The following KIF19 variants were observed in gnomAD, a reference collection of about 807,000 sequenced individuals.
KIF19 encodes kinesin family member 19.
Under a neutral mutation model 106.6 loss-of-function variants are expected in KIF19, and 98 were observed. The ratio of observed to expected loss-of-function variants is 0.92; its 90% CI spans 0.78 to 1.09. KIF19 has a LOEUF of 1.09. Ranked by LOEUF, KIF19 falls within the 50% of genes least tolerant of loss-of-function variation. KIF19 has a pLI of 0.00. For synonymous variants in KIF19, 516 were observed against 584.2 expected (o/e 0.88, Z 1.68); for missense variants, 1,373 against 1,414.3 (o/e 0.97, Z 0.47).
rs757436729 is a variant in KIF19 at position 74,355,229 on chromosome 17, G to A, written c.2914G>A (p.Gly972Ser). Residue 972 changes from glycine (G) to serine (S), a missense_variant, in exon 20 of 20, where the codon GGT becomes AGT. Around this residue, in one of 3 missense-constraint regions of KIF19, gnomAD observed 1,020 missense variants for 1,008.2 expected, o/e 1.01. Transcript: ENST00000389916. ...GGCTGTTCCCCCCAACCCAGGTGGT[G>A]GTTCTCGACGGGCTACCCGTGGGCC... is the stretch of plus-strand genomic sequence containing the variant. ...PLAVPPNPGG[G>S]SRRATRGPRL... The A allele has an allele frequency of 4.3e-6, 7 of 1,612,672 alleles. No homozygotes were observed. In the South Asian group the frequency reaches 6.6e-5, roughly 15 times the overall value.
intron 1 of KIF19, 133 bp downstream of exon 1, chr17:74,326,521 G>C: frequency 1.3e-6 from 1 of 746,336 alleles, no homozygotes; most frequent in Admixed American, 2.8e-5. Context: ...GGACTCTTCA[G>C]AGCAACTTTC....
chr17:74,332,210 T>TGTGTGTGTGTG (rs1567897631), intron 2 of KIF19, among the ~76,000 whole-genome samples: 17 of 108,766 alleles, frequency 1.6e-4, no homozygotes, highest in Non-Finnish European at 3.0e-4. Flanking sequence ...GTGTGTGTGT[T>TGTGTGTGTGTG]TGTGTGTGTG....
chr17:74,344,212 T>G lies in KIF19; in HGVS notation c.457-11T>G. On this transcript the variant is annotated splice_polypyrimidine_tract_variant and intron_variant, in intron 5 of 19. Transcript: ENST00000389916. Reference sequence around the variant, plus strand: ...TCCCTTCCCCCACCCCTCCCCCACCTGTCCCGTCAGATCTACAATGAGATG... The same window carrying G: ...TCCCTTCCCCCACCCCTCCCCCACCGGTCCCGTCAGATCTACAATGAGATG... 1 of 1,236,696 alleles carries G rather than the reference T, an allele frequency of 8.1e-7. No homozygotes were observed. Among genetic ancestry groups the G allele is most frequent in the Non-Finnish European group, 1.2e-6 (1 of 867,138 alleles). 76.6% of individuals were successfully genotyped at this position (1,236,696 alleles called of 1,614,324 possible).
At chr17:74,327,174 A>T (rs1296348598) in intron 1 of KIF19, among the ~76,000 whole-genome samples, 1 of 152,198 alleles carries the variant, frequency 6.6e-6, no homozygotes, top group African/African-American at 2.4e-5. Context: ...TCATCACCAG[A>T]AGGTGGGCAG....
At position 74,341,936 on chromosome 17, in the gene KIF19, C is replaced by A; in HGVS notation, c.181C>A (p.Arg61=). 6.2e-7 allele frequency: 1 copy of A among 1,613,598 alleles called. No individual in the cohort carries two copies. The highest frequency in any genetic ancestry group is 8.5e-7 in the Non-Finnish European group (1 of 1,179,804). Residue 61 remains arginine (R), a synonymous_variant, in exon 3 of 20, where the codon CGG becomes AGG. Coordinates refer to ENST00000389916, the MANE Select transcript of KIF19 (RefSeq NM_153209.4). ...PDDILRAHRS[R]EKSYLFDVAF... ...CGACATCCTGCGGGCGCATCGCTCC[C>A]GGGAGAAGTCCTACCTGTTCGACGT...
chr17:74,335,178 C>T (rs550269605), intron 2 of KIF19, among the ~76,000 whole-genome samples: 57 of 152,202 alleles, frequency 3.7e-4, no homozygotes, highest in South Asian at 1.0e-3. Context: ...GTGTCACAAC[C>T]GGGGGAAGGG....
At chr17:74,355,021 C>A (rs951996029) in intron 19 of KIF19, 80 bp downstream of exon 19, 1 of 1,546,520 alleles carries the variant, frequency 6.5e-7, no homozygotes, top group Non-Finnish European at 8.8e-7. Context: ...GCATTTCCTG[C>A]GCCTCTGGCT....
rs533621035 is a variant in KIF19 at position 74,326,355 on chromosome 17, G to A, written c.6G>A (p.Lys2=). The change falls in exon 1 of 20, where the codon AAG becomes AAA. Residue 2 remains lysine (K), a synonymous_variant. Coordinates refer to ENST00000389916, the MANE Select transcript of KIF19 (RefSeq NM_153209.4). ...CCCCTCCACCTGCTGCAATCATGAA[G>A]GACAGCGGGGACTCCAAGGACCAGC... is the stretch of plus-strand genomic sequence containing the variant. M[K]DSGDSKDQQL... is the part of the protein sequence containing the mutation. 7 of 1,612,436 alleles carry A rather than the reference G, an allele frequency of 4.3e-6. No homozygotes were observed. The African/African-American group carries it at 6.7e-5, about 15-fold the overall frequency.
intron 2 of KIF19, among the ~76,000 whole-genome samples, chr17:74,337,046 C>A (rs763904408): frequency 6.6e-6 from 1 of 152,090 alleles, no homozygotes; most frequent in African/African-American, 2.4e-5. Flanking sequence ...GTTGGCCAGG[C>A]TGGTCTCGAA....
chr17:74,346,058 C>T lies in KIF19; in HGVS notation c.778-320C>T, dbSNP rs2054522074. Among the ~76,000 whole-genome samples, 1 of 152,246 alleles carries T rather than the reference C, an allele frequency of 6.6e-6. No homozygotes were observed. Among genetic ancestry groups the T allele is most frequent in the African/African-American group, 2.4e-5 (1 of 41,456 alleles). The stretch of plus-strand genomic sequence containing the variant: ...GAGCACCAGTGGTCCTGCCGGCTCC[C>T]AGCTGAGCTGCCTGGAAAGCAACCT... On this transcript the variant is annotated intron_variant, in intron 7 of 19. Transcript: ENST00000389916. This position sits in a 1 kb window ranked among gnomAD's most constrained non-coding sequence, Gnocchi z 4.6.
In KIF19 at chr17:74,352,953, A is replaced by C; in HGVS notation, c.2113A>C (p.Ser705Arg). 6.2e-7 allele frequency: 1 copy of C among 1,613,546 alleles called. No homozygotes were observed. The highest frequency in any genetic ancestry group is 1.1e-5 in the South Asian group (1 of 91,066). ...NSALPPLSTE[S>R]EGHHVFKAGT... ...CGCCCTCCCTCCCCTCAGCACAGAG[A>C]GGTGAGATGGGGGCCACCTGCCCCA... The change falls in exon 15 of 20, where the codon AGT (serine) becomes CGT (arginine). Residue 705 changes from serine (S) to arginine (R), a missense_variant and splice_region_variant. Transcript: ENST00000389916.
In KIF19 at chr17:74,350,473, C is replaced by T. The variant is rs1337547450; in HGVS notation, c.1286C>T (p.Ala429Val). 6.2e-7 allele frequency: 1 copy of T among 1,611,458 alleles called. No individual in the cohort carries two copies. The highest frequency in any genetic ancestry group is 8.5e-7 in the Non-Finnish European group (1 of 1,179,476). Residue 429 changes from alanine to valine, a missense_variant, in exon 11 of 20, where the codon GCC becomes GTC. Ala to Val is a moderately conservative substitution (Grantham distance 64). Transcript: ENST00000389916. ...CAGCTTCGGGAGCAGCTCGCCAGCG[C>T]CTTCCAGGAGCAGATGGATGTGCGG... ...MGQLREQLAS[A>V]FQEQMDVRRR... is the part of the protein sequence containing the mutation.
rs752265857 is a variant in KIF19 at position 74,350,510 on chromosome 17, G to A, written c.1323G>A (p.Leu441=). Residue 441 remains leucine (L), a synonymous_variant, in exon 11 of 20, where the codon CTG becomes CTA. Coordinates refer to ENST00000389916, the MANE Select transcript of KIF19 (RefSeq NM_153209.4). The stretch of plus-strand genomic sequence containing the variant: ...AGATGGATGTGCGGAGGCGCCTGCT[G>A]GAGCTGGAGAACCGCGCCATGGAGG... ...QEQMDVRRRL[L]ELENRAMEVQ... 1.4e-5 allele frequency: 23 copies of A among 1,612,688 alleles called. No individual in the cohort carries two copies. The East Asian group carries it at 4.5e-4, about 31-fold the overall frequency.
chr17:74,353,200 G>A lies in KIF19; in HGVS notation c.2119G>A (p.Gly707Ser). 6.3e-7 allele frequency: 1 copy of A among 1,583,146 alleles called. No homozygotes were observed. Among genetic ancestry groups the A allele is most frequent in the Non-Finnish European group, 8.6e-7 (1 of 1,164,830 alleles). The change falls in exon 16 of 20, where the codon GGC (glycine) becomes AGC (serine). Residue 707 changes from glycine (G) to serine (S), a missense_variant. Gly to Ser is a moderately conservative substitution (Grantham distance 56). Transcript: ENST00000389916. ...ALPPLSTESE[G>S]HHVFKAGTGA... ...ATCTTCCTCTGCCAACTTCAGTGAAGGCCACCACGTGTTCAAGGCTGGTAC... is the reference window on the plus strand; with the variant it reads ...ATCTTCCTCTGCCAACTTCAGTGAAAGCCACCACGTGTTCAAGGCTGGTAC...
chr17:74,354,915 T>G lies in KIF19; in HGVS notation c.2840T>G (p.Val947Gly), dbSNP rs1180778508. Reference sequence around the variant, plus strand: ...AAGGTCACGCTACCTTTGGCCAAAGTCAAACTCCCTCCAAGCCAGAACACG... The same window carrying G: ...AAGGTCACGCTACCTTTGGCCAAAGGCAAACTCCCTCCAAGCCAGAACACG... ...LGKVTLPLAK[V>G]KLPPSQNTGP... The change falls in exon 19 of 20, where the codon GTC becomes GGC. Residue 947 changes from valine (V) to glycine (G), a missense_variant. Val to Gly is a moderately radical substitution (Grantham distance 109). Coordinates refer to ENST00000389916, the MANE Select transcript of KIF19 (RefSeq NM_153209.4). The G allele has an allele frequency of 6.3e-7, 1 of 1,576,072 alleles. No individual in the cohort carries two copies. Among genetic ancestry groups the G allele is most frequent in the East Asian group, 2.3e-5 (1 of 42,944 alleles).
chr17:74,328,572 G>A, intron 2 of KIF19, 67 bp downstream of exon 2: 1 of 1,405,608 alleles, frequency 7.1e-7, no homozygotes, highest in African/African-American at 1.4e-5. Flanking sequence ...CTCACCTGGT[G>A]AGGGCAGAAA....
Position 74,355,711 on chromosome 17 carries a change from C to A in KIF19, c.*399C>A. ...GTTGGGGAGGCGCCGACAGGCACTT[C>A]ACGTATTACAATTGGGGATGTGGGT... On this transcript the variant is annotated 3_prime_UTR_variant, in exon 20 of 20. Transcript: ENST00000389916. 5.9e-6 allele frequency: 1 copy of A among 169,478 alleles called. No homozygotes were observed. The allele number at this position is 169,478 out of a possible 1,614,324, so 10.5% of individuals were successfully genotyped here. A position where few individuals can be genotyped will look rare whatever the true frequency, so the allele number is the denominator to read the frequency against.
Position 74,331,480 on chromosome 17 carries a change from C to T in KIF19, c.120+2975C>T, listed in dbSNP as rs1011046124. 3.3e-5 allele frequency among the ~76,000 whole-genome samples: 5 copies of T among 152,056 alleles called. No homozygotes were observed. The highest frequency in any genetic ancestry group is 2.1e-4 in the South Asian group (1 of 4,816). On this transcript the variant is annotated intron_variant, in intron 2 of 19. Transcript: ENST00000389916. This position sits in a 1 kb window ranked among gnomAD's most constrained non-coding sequence, Gnocchi z 4.1. The stretch of plus-strand genomic sequence containing the variant: ...CTTCAAATGAAGGAGATTGTGGCAA[C>T]GAGGCTTGGCAGAAGGGGACATTCC...
intron 9 of KIF19, 22 bp from the exon 10 acceptor site, chr17:74,349,162 G>C (rs759283226): frequency 5.6e-6 from 9 of 1,613,376 alleles, no homozygotes; most frequent in Non-Finnish European, 7.6e-6. Context: ...CATCCCCTCC[G>C]CTCCATACGT....
Sources: allele counts gnomAD v4.1 joint callset (sites outside exome capture counted in the v4.1 genomes callset), GRCh38; gene constraint gnomAD v4.1.1; regional missense constraint gnomAD v4.1.1; non-coding constraint Gnocchi (gnomAD v3.1); transcripts MANE v1.5; gene names NCBI Gene and HGNC (gene_info 2026-07-23, HGNC 2026-07-21).